The following TFEC variants were observed in gnomAD, a reference collection of about 807,000 sequenced individuals.
TFEC encodes the protein class E basic helix-loop-helix protein 34.
In TFEC, 31 loss-of-function variants were observed where a neutral mutation model predicts 41.6. The ratio of observed to expected loss-of-function variants is 0.74; its 90% CI spans 0.56 to 1.01. The LOEUF is 1.01. Ranked by LOEUF, TFEC falls within the 50% of genes least tolerant of loss-of-function variation. The probability of loss-of-function intolerance (pLI) is 0.00; values close to 1 mark genes in which losing one functional copy is unlikely to be tolerated. For synonymous variants in TFEC, 143 were observed against 140.6 expected (o/e 1.02, Z -0.12); for missense variants, 402 against 404.1 (o/e 0.99, Z 0.04).
chr7:116,077,696 GAT>G (rs1306452137), intron 3 of TFEC, among the ~76,000 whole-genome samples: 1 of 152,004 alleles, frequency 6.6e-6, no homozygotes, highest in African/African-American at 2.4e-5. Context: ...ATTATATAGT[GAT>G]AAATGGACTA....
intron 3 of TFEC, chr7:116,110,602 G>GT (rs1376687357): frequency 3.1e-5 from 26 of 834,350 alleles, no homozygotes; most frequent in African/African-American, 2.0e-4. Flanking sequence ...TTTTATTCTT[G>GT]TTTTTTTCCT....
chr7:115,952,778 A>T (rs1218574520), intron 5 of TFEC, among the ~76,000 whole-genome samples: 3 of 152,064 alleles, frequency 2.0e-5, no homozygotes, highest in African/African-American at 7.2e-5. Flanking sequence ...TGACATATTC[A>T]CTTAATCCTG....
chr7:116,001,877 TA>T (rs1317434906), intron 1 of TFEC, among the ~76,000 whole-genome samples: 15 of 151,918 alleles, frequency 9.9e-5, no homozygotes, highest in African/African-American at 3.4e-4. Context: ...AACAGGTATA[TA>T]AAAAGGTGCT....
At chr7:115,969,612 G>C (rs997864046) in intron 3 of TFEC, among the ~76,000 whole-genome samples, 1 of 151,964 alleles carries the variant, frequency 6.6e-6, no homozygotes, top group African/African-American at 2.4e-5. Flanking sequence ...CTATAATAAA[G>C]TGTCTGGATT....
intron 3 of TFEC, among the ~76,000 whole-genome samples, chr7:116,060,781 T>C (rs1796536512): frequency 6.6e-6 from 1 of 152,060 alleles, no homozygotes; most frequent in South Asian, 2.1e-4. Flanking sequence ...ACTTGAGTGA[T>C]GAAATAACCT....
chr7:116,127,102 TG>T (rs1338769846), intron 1 of TFEC, among the ~76,000 whole-genome samples: 5 of 151,664 alleles, frequency 3.3e-5, no homozygotes, highest in Non-Finnish European at 7.4e-5. Context: ...TTTTGTTTTT[TG>T]TTTTTTGTTT....
chr7:116,044,573 C>A (rs371998627), intron 3 of TFEC, among the ~76,000 whole-genome samples: 1 of 152,134 alleles, frequency 6.6e-6, no homozygotes, highest in African/African-American at 2.4e-5. Context: ...TCTTCAATTT[C>A]TTTAGTTTTT....
At chr7:116,090,735 A>T (rs1797306877) in intron 3 of TFEC, among the ~76,000 whole-genome samples, 1 of 152,182 alleles carries the variant, frequency 6.6e-6, no homozygotes, top group Non-Finnish European at 1.5e-5. Flanking sequence ...CAATCTAATA[A>T]GACATAGATA....
chr7:115,964,363 C>T (rs1415552841), intron 3 of TFEC, among the ~76,000 whole-genome samples: 4 of 151,490 alleles, frequency 2.6e-5, no homozygotes, highest in African/African-American at 7.3e-5. Context: ...TTCCAAACAA[C>T]TTTAAAGGCA....
intron 6 of TFEC, among the ~76,000 whole-genome samples, chr7:115,948,117 C>A (rs1301020801): frequency 6.6e-6 from 1 of 151,920 alleles, no homozygotes; most frequent in Non-Finnish European, 1.5e-5. Context: ...ATAAATTCCT[C>A]GACATATACA....
chr7:116,068,369 A>G (rs1020326361), intron 3 of TFEC, among the ~76,000 whole-genome samples: 1 of 151,804 alleles, frequency 6.6e-6, no homozygotes, highest in Admixed American at 6.6e-5. Context: ...AAGCATTTAG[A>G]GACTTGACCC....
chr7:116,021,169 T>C (rs1016298798), intron 1 of TFEC, among the ~76,000 whole-genome samples: 1 of 152,330 alleles, frequency 6.6e-6, no homozygotes. Context: ...CAAATAATAA[T>C]TCCAACCAAA....
At chr7:116,052,477 G>A (rs1298512881) in intron 3 of TFEC, among the ~76,000 whole-genome samples, 1 of 152,068 alleles carries the variant, frequency 6.6e-6, no homozygotes, top group African/African-American at 2.4e-5. Flanking sequence ...TTGCCAGGCT[G>A]GAGTGCAGTG....
chr7:115,951,554 T>G (rs572007962), intron 5 of TFEC, among the ~76,000 whole-genome samples: 5 of 152,046 alleles, frequency 3.3e-5, no homozygotes, highest in Admixed American at 2.6e-4. Flanking sequence ...AAATAAGTGG[T>G]TTTTATACTT....
intron 3 of TFEC, among the ~76,000 whole-genome samples, chr7:116,103,171 A>T (rs1238891170): frequency 6.6e-6 from 1 of 152,200 alleles, no homozygotes. Flanking sequence ...CAAGCAAAGG[A>T]AAGCCTGAGG....
Position 115,938,592 on chromosome 7 carries a change from G to A in TFEC, c.*1959C>T, listed in dbSNP as rs1793340174. The stretch of plus-strand genomic sequence containing the variant: ...TGAGCAAATGATACAAGCTAAGCCT[G>A]AGATAATTATTATACCATAATGATT... On this transcript the variant is annotated 3_prime_UTR_variant, in exon 8 of 8. Coordinates refer to ENST00000265440, the MANE Select transcript of TFEC (RefSeq NM_012252.4). The A allele has an allele frequency of 6.6e-6, 1 of 151,742 alleles. No homozygotes were observed. Among genetic ancestry groups the A allele is most frequent in the Non-Finnish European group, 1.5e-5 (1 of 67,838 alleles). The allele number at this position is 151,742 out of a possible 1,614,324, so 9.4% of individuals were successfully genotyped here.
chr7:116,127,473 T>A (rs1160675587), intron 1 of TFEC, among the ~76,000 whole-genome samples: 2 of 152,216 alleles, frequency 1.3e-5, no homozygotes, highest in Non-Finnish European at 2.9e-5. Flanking sequence ...GTGATATGTT[T>A]GCACTTACTT....
chr7:116,115,048 TTTG>T (rs1797949198), intron 1 of TFEC, among the ~76,000 whole-genome samples: 1 of 151,984 alleles, frequency 6.6e-6, no homozygotes, highest in Admixed American at 6.6e-5. Flanking sequence ...AGTGTGGTCC[TTTG>T]TTAATTAACC....
chr7:115,992,473 G>GA (rs1406934336), intron 1 of TFEC, among the ~76,000 whole-genome samples: 2 of 152,250 alleles, frequency 1.3e-5, no homozygotes, highest in Non-Finnish European at 2.9e-5. Flanking sequence ...GACTGTTACA[G>GA]AAGAAAAGAC....
Sources: allele counts gnomAD v4.1 joint callset (sites outside exome capture counted in the v4.1 genomes callset), GRCh38; gene constraint gnomAD v4.1.1; transcripts MANE v1.5; gene names NCBI Gene and HGNC (gene_info 2026-07-23, HGNC 2026-07-21).